RBMS3: variants seen among roughly 807,000 people sequenced by gnomAD.
RBMS3 encodes the protein RNA-binding motif, single-stranded-interacting protein 3.
A neutral mutation model predicts 66.8 loss-of-function variants in RBMS3; 27 were observed. That is an observed-to-expected ratio of 0.40 (90% confidence interval 0.30 to 0.56). RBMS3 has a LOEUF of 0.56. Among genes scored for constraint, RBMS3 ranks in the 20% least tolerant of loss-of-function variants. The pLI is 0.40. For missense variants in RBMS3, 513 were observed against 549.5 expected, an observed-to-expected ratio of 0.93 and a Z score of 0.66; for synonymous variants, 188 against 183.0, an observed-to-expected ratio of 1.03 and a Z score of -0.22.
chr3:29,833,012 T>G (rs575662583), intron 6 of RBMS3, among the ~76,000 whole-genome samples: 55 of 152,050 alleles, frequency 3.6e-4, no homozygotes, highest in Middle Eastern at 6.8e-3. Context: ...AGAACACAAA[T>G]GGGAGGTTCT....
chr3:29,613,376 T>A (rs2048557228), intron 4 of RBMS3, among the ~76,000 whole-genome samples: 1 of 152,094 alleles, frequency 6.6e-6, no homozygotes, highest in African/African-American at 2.4e-5. Context: ...GATGACATGA[T>A]CATCACATGA....
At chr3:29,478,996 C>T (rs189311756) in intron 2 of RBMS3, among the ~76,000 whole-genome samples, 4 of 152,240 alleles carry the variant, frequency 2.6e-5, no homozygotes, top group East Asian at 1.9e-4. Context: ...GGCATCTTGA[C>T]TGGCCAGAGG....
At chr3:29,833,112 G>A (rs1302163282) in intron 6 of RBMS3, among the ~76,000 whole-genome samples, 1 of 152,184 alleles carries the variant, frequency 6.6e-6, no homozygotes, top group African/African-American at 2.4e-5. Context: ...TGGAGCAGAT[G>A]TATCCATGGA....
intron 2 of RBMS3, among the ~76,000 whole-genome samples, chr3:29,440,223 T>C (rs1346460055): frequency 6.6e-6 from 1 of 152,222 alleles, no homozygotes; most frequent in Non-Finnish European, 1.5e-5. Context: ...TGTATTTATA[T>C]TTTCCACATC....
rs559812321 is a variant in RBMS3, at chr3:29,450,876, C to T, written c.248+15961C>T. 3.3e-5 allele frequency among the ~76,000 whole-genome samples: 5 copies of T among 150,712 alleles called. No individual in the cohort carries two copies. The East Asian group carries it at 5.9e-4, about 18-fold the overall frequency. On this transcript the variant is annotated intron_variant, in intron 2 of 14. Coordinates refer to ENST00000383767, the MANE Select transcript of RBMS3 (RefSeq NM_001003793.3). ...GTACTATGCCCAGTACCCACCAGCA[C>T]GTAACAGTCTACCTCAACACACAGA...
intron 3 of RBMS3, among the ~76,000 whole-genome samples, chr3:29,566,011 C>T (rs1445703829): frequency 2.6e-5 from 4 of 152,142 alleles, no homozygotes; most frequent in East Asian, 1.9e-4. Context: ...ATTATAATGC[C>T]TGAAGTTATA....
chr3:29,521,833 A>C (rs2044871071), intron 3 of RBMS3, among the ~76,000 whole-genome samples: 1 of 152,226 alleles, frequency 6.6e-6, no homozygotes, highest in South Asian at 2.1e-4. Flanking sequence ...GAATCCAGAA[A>C]GCCTAACTCT....
At chr3:29,462,321 G>C (rs2042400012) in intron 2 of RBMS3, among the ~76,000 whole-genome samples, 1 of 152,158 alleles carries the variant, frequency 6.6e-6, no homozygotes, top group African/African-American at 2.4e-5. Flanking sequence ...TCTGTGCTAT[G>C]TATTGATTTA....
At chr3:29,789,814 T>C (rs2056941877) in intron 6 of RBMS3, among the ~76,000 whole-genome samples, 2 of 152,174 alleles carry the variant, frequency 1.3e-5, no homozygotes, top group African/African-American at 2.4e-5. Context: ...GAGAGGAACA[T>C]ATGATTTTCT....
At chr3:29,479,755 G>C (rs1276348012) in intron 2 of RBMS3, among the ~76,000 whole-genome samples, 6 of 152,040 alleles carry the variant, frequency 3.9e-5, no homozygotes, top group Non-Finnish European at 8.8e-5. Context: ...TTTTTCCTTT[G>C]CATTGCTTTG....
At chr3:29,911,901 T>C (rs115547845) in intron 10 of RBMS3, among the ~76,000 whole-genome samples, 22 of 152,176 alleles carry the variant, frequency 1.4e-4, no homozygotes, top group African/African-American at 4.8e-4. Context: ...TTTTCAGAGA[T>C]AATTTATTAA....
chr3:29,522,750 A>G (rs954821897), intron 3 of RBMS3, among the ~76,000 whole-genome samples: 1 of 152,154 alleles, frequency 6.6e-6, no homozygotes, highest in African/African-American at 2.4e-5. Flanking sequence ...CCATTGGCCA[A>G]TCCTACTGGA....
intron 2 of RBMS3, among the ~76,000 whole-genome samples, chr3:29,471,938 G>A (rs1197275471): frequency 2.0e-5 from 3 of 151,972 alleles, no homozygotes; most frequent in Non-Finnish European, 4.4e-5. Flanking sequence ...TTTCCTGGGA[G>A]AATGATGAAT....
chr3:29,804,989 T>C (rs2057502427), intron 6 of RBMS3, among the ~76,000 whole-genome samples: 1 of 151,766 alleles, frequency 6.6e-6, no homozygotes, highest in South Asian at 2.1e-4. Context: ...CAGTGATATG[T>C]ACTGAATGAG....
chr3:29,767,475 A>G (rs887238642), intron 6 of RBMS3: 4 of 151,954 alleles, frequency 2.6e-5, no homozygotes, highest in Non-Finnish European at 5.9e-5. Flanking sequence ...ACATTATGGG[A>G]TCTTTAAAAA....
chr3:29,918,750 G>A (rs754804245), intron 10 of RBMS3, among the ~76,000 whole-genome samples: 9 of 151,904 alleles, frequency 5.9e-5, no homozygotes, highest in South Asian at 2.1e-4. Flanking sequence ...ATTTCTACAC[G>A]TAAGATAGTT....
chr3:29,843,236 G>A (rs888188625), intron 6 of RBMS3, among the ~76,000 whole-genome samples: 16 of 152,260 alleles, frequency 1.1e-4, no homozygotes, highest in South Asian at 6.2e-4. Flanking sequence ...TCACGAGAAC[G>A]TAAATACATT....
At chr3:29,400,623 G>A (rs948711581) in intron 1 of RBMS3, among the ~76,000 whole-genome samples, 12 of 151,898 alleles carry the variant, frequency 7.9e-5, no homozygotes, top group Non-Finnish European at 1.3e-4. Context: ...GAACAAAAGC[G>A]AGGTAGCTGC....
At chr3:29,392,642 T>A (rs111518689) in intron 1 of RBMS3, among the ~76,000 whole-genome samples, 1 of 152,224 alleles carries the variant, frequency 6.6e-6, no homozygotes, top group Non-Finnish European at 1.5e-5. Flanking sequence ...TGGAATTTTT[T>A]AAAATTGCAA....
Sources: allele counts gnomAD v4.1 joint callset (sites outside exome capture counted in the v4.1 genomes callset), GRCh38; gene constraint gnomAD v4.1.1; transcripts MANE v1.5; gene names NCBI Gene and HGNC (gene_info 2026-07-23, HGNC 2026-07-21).